The following SCARB2 variants were observed in gnomAD, a reference collection of about 807,000 sequenced individuals.
SCARB2 encodes lysosome membrane protein 2.
SCARB2 carries 29 observed loss-of-function variants against 58.6 expected under a neutral mutation model. The ratio of observed to expected loss-of-function variants is 0.49; its 90% CI spans 0.37 to 0.67. The LOEUF is 0.67. Among genes scored for constraint, SCARB2 ranks in the 30% least tolerant of loss-of-function variants. SCARB2 has a pLI of 0.00. For synonymous variants in SCARB2, 195 were observed against 210.1 expected (o/e 0.93, Z 0.62); for missense variants, 488 against 578.5 (o/e 0.84, Z 1.60).
intron 1 of SCARB2, among the ~76,000 whole-genome samples, chr4:76,221,244 G>A (rs984377394): frequency 2.6e-5 from 4 of 152,178 alleles, no homozygotes; most frequent in African/African-American, 9.7e-5. Flanking sequence ...GTAAGCTTGG[G>A]CGACCACTGC....
chr4:76,161,343 G>A lies in SCARB2; in HGVS notation c.*370C>T. The stretch of plus-strand genomic sequence containing the variant: ...TTGAGCACAAAGTTCGGTGAATGAA[G>A]CATACTGAATGAAGTTAGACCAGTA... On this transcript the variant is annotated 3_prime_UTR_variant, in exon 12 of 12. Transcript: ENST00000264896. 1 of 283,278 alleles carries A rather than the reference G, an allele frequency of 3.5e-6. No individual in the cohort carries two copies. The allele number at this position is 283,278 out of a possible 1,614,324, so 17.5% of individuals were successfully genotyped here. A position where few individuals can be genotyped will look rare whatever the true frequency, so the allele number is the denominator to read the frequency against.
intron 1 of SCARB2, among the ~76,000 whole-genome samples, chr4:76,224,381 A>G (rs1043681970): frequency 6.6e-6 from 1 of 152,270 alleles, no homozygotes; most frequent in African/African-American, 2.4e-5. Context: ...GCCCTCCCAC[A>G]GAAATGGAGA....
chr4:76,169,584 G>C (rs1035142425), intron 8 of SCARB2, among the ~76,000 whole-genome samples: 1 of 152,168 alleles, frequency 6.6e-6, no homozygotes, highest in Admixed American at 6.5e-5. Flanking sequence ...AGATTGACCA[G>C]GTTATATGGG....
chr4:76,228,706 G>C (rs1283778971), intron 1 of SCARB2, among the ~76,000 whole-genome samples: 2 of 151,438 alleles, frequency 1.3e-5, no homozygotes, highest in Non-Finnish European at 3.0e-5. Flanking sequence ...TAGAGATTCT[G>C]TTGAGAAACC....
chr4:76,225,253 G>A (rs1051857990), intron 1 of SCARB2, among the ~76,000 whole-genome samples: 5 of 152,154 alleles, frequency 3.3e-5, no homozygotes, highest in Non-Finnish European at 7.3e-5. Context: ...AAAGACACAT[G>A]TGCAAGTGTC....
rs1039948463 is a variant in SCARB2, at chr4:76,172,292, G to A, written c.994+1852C>T. 5.3e-5 allele frequency among the ~76,000 whole-genome samples: 8 copies of A among 151,368 alleles called. No individual in the cohort carries two copies. In the South Asian group the frequency reaches 1.7e-3, roughly 32 times the overall value. ...ATAATTTTTTTGTTTTTTGAGACCA[G>A]GTCTCACTCTGTTGCCCAGGCTGGA... On this transcript the variant is annotated intron_variant, in intron 7 of 11. Transcript: ENST00000264896.
chr4:76,213,935 G>A, upstream of SCARB2: 1 of 167,828 alleles, frequency 6.0e-6, no homozygotes, highest in Non-Finnish European at 1.3e-5. Flanking sequence ...CCGCAGTCAT[G>A]TGCCCTGCGG....
At chr4:76,179,784 A>T in intron 3 of SCARB2, 79 bp from the exon 4 acceptor site, 1 of 1,063,710 alleles carries the variant, frequency 9.4e-7, no homozygotes, top group Non-Finnish European at 1.5e-6. Context: ...ACCCCATAGC[A>T]AAGGGGGTTG....
intron 10 of SCARB2, chr4:76,164,353 C>G (rs1433141421): frequency 6.6e-6 from 1 of 152,074 alleles, no homozygotes; most frequent in Admixed American, 6.6e-5. Flanking sequence ...ACAAAAAATA[C>G]AAAAATTAGC....
At chr4:76,176,352 A>C in intron 5 of SCARB2, 85 bp downstream of exon 5, 1 of 906,344 alleles carries the variant, frequency 1.1e-6, no homozygotes, top group Non-Finnish European at 1.8e-6. Context: ...AAAAGGCTAA[A>C]CACATTTTTA....
chr4:76,183,154 CTCATACTGTA>C (rs1223780950), intron 2 of SCARB2, among the ~76,000 whole-genome samples: 1 of 152,110 alleles, frequency 6.6e-6, no homozygotes, highest in Non-Finnish European at 1.5e-5. Flanking sequence ...TTTCTGTGCT[CTCATACTGTA>C]ACAACTTACA....
chr4:76,174,349 T>G, intron 6 of SCARB2, 36 bp from the exon 7 acceptor site: 2 of 1,606,148 alleles, frequency 1.2e-6, no homozygotes, highest in South Asian at 2.2e-5. Context: ...GAATGTGGAC[T>G]CTGGTCAGTG....
At chr4:76,174,356 A>T (rs764746464) in intron 6 of SCARB2, 43 bp from the exon 7 acceptor site, 3 of 1,596,842 alleles carry the variant, frequency 1.9e-6, no homozygotes, top group Non-Finnish European at 1.7e-6. Context: ...GACTCTGGTC[A>T]GTGTAATCTG....
At position 76,160,585 on chromosome 4, in the gene SCARB2, G is replaced by A. The variant is rs1221622267; in HGVS notation, c.*1128C>T. 6.6e-6 allele frequency: 1 copy of A among 152,150 alleles called. No individual in the cohort carries two copies. The highest frequency in any genetic ancestry group is 1.5e-5 in the Non-Finnish European group (1 of 68,028). The allele number at this position is 152,150 out of a possible 1,614,324, so 9.4% of individuals were successfully genotyped here. A position where few individuals can be genotyped will look rare whatever the true frequency, so the allele number is the denominator to read the frequency against. On this transcript the variant is annotated 3_prime_UTR_variant, in exon 12 of 12. Transcript: ENST00000264896. The stretch of plus-strand genomic sequence containing the variant: ...TTGTCACAGGAAGTATAGGGCACAC[G>A]TTTCTCTATTCAGTGAGTGACAGTG...
intron 1 of SCARB2, among the ~76,000 whole-genome samples, chr4:76,202,324 A>G (rs1000805517): frequency 2.0e-5 from 3 of 152,056 alleles, no homozygotes; most frequent in Non-Finnish European, 4.4e-5. Flanking sequence ...GTGCAGTGGC[A>G]TGACTCGGCT....
intron 1 of SCARB2, among the ~76,000 whole-genome samples, chr4:76,209,661 C>T (rs1733000137): frequency 6.6e-6 from 1 of 152,236 alleles, no homozygotes. Context: ...GCCACCACGC[C>T]TGGCCTATAT....
At chr4:76,177,042 A>G (rs1259746223) in intron 4 of SCARB2, 1 of 152,708 alleles carries the variant, frequency 6.5e-6, no homozygotes, top group Non-Finnish European at 1.5e-5. Flanking sequence ...AGTAACTAAA[A>G]AATTTAATCT....
chr4:76,200,877 G>A (rs1484226824), intron 1 of SCARB2, among the ~76,000 whole-genome samples: 1 of 152,138 alleles, frequency 6.6e-6, no homozygotes, highest in Non-Finnish European at 1.5e-5. Context: ...CTTGGACTGT[G>A]ACAATACTGT....
At chr4:76,218,319 A>T (rs939011604), upstream of SCARB2, among the ~76,000 whole-genome samples, 5 of 152,196 alleles carry the variant, frequency 3.3e-5, no homozygotes, top group African/African-American at 9.7e-5. Flanking sequence ...CATAAGAAAA[A>T]ATTACTCTCT....
Sources: gnomAD v4.1 joint callset for allele counts (sites outside exome capture counted in the v4.1 genomes callset) on GRCh38, gnomAD v4.1.1 for gene constraint, MANE v1.5 for transcripts, NCBI Gene and HGNC (gene_info 2026-07-23, HGNC 2026-07-21) for gene names.